DOCK2: variants seen among roughly 807,000 people sequenced by gnomAD.
The protein encoded by DOCK2 is dedicator of cytokinesis 2.
A neutral mutation model predicts 248.9 loss-of-function variants in DOCK2; 87 were observed. That is an observed-to-expected ratio of 0.35 (90% CI 0.29 to 0.42). The LOEUF (loss-of-function observed/expected upper bound fraction) is 0.42, where lower values mean the gene tolerates loss of function less well. Ranked by LOEUF, DOCK2 falls within the 10% of genes least tolerant of loss-of-function variation. The pLI is 1.00. For synonymous variants in DOCK2, 805 were observed against 821.6 expected, an observed-to-expected ratio of 0.98 and a Z score of 0.35; for missense variants, 1,747 against 2,300.2, an observed-to-expected ratio of 0.76 and a Z score of 4.92.
chr5:169,673,546 G>A (rs1581011524), intron 5 of DOCK2, among the ~76,000 whole-genome samples: 5 of 151,842 alleles, frequency 3.3e-5, no homozygotes, highest in Admixed American at 3.3e-4. Context: ...TTAGAGACAG[G>A]GTCTTGCTCT....
intron 37 of DOCK2, 50 bp downstream of exon 37, chr5:170,041,195 C>T: frequency 6.8e-7 from 1 of 1,480,642 alleles, no homozygotes; most frequent in African/African-American, 1.4e-5. Context: ...CTGACAGGGC[C>T]TCACAGCAAG....
At chr5:169,791,832 C>T (rs1332014697) in intron 25 of DOCK2, among the ~76,000 whole-genome samples, 1 of 152,154 alleles carries the variant, frequency 6.6e-6, no homozygotes, top group African/African-American at 2.4e-5. Context: ...TAGGATCTAG[C>T]AGGAGTTCAA....
intron 38 of DOCK2, among the ~76,000 whole-genome samples, chr5:170,042,381 C>A (rs1350688903): frequency 6.6e-6 from 1 of 152,194 alleles, no homozygotes; most frequent in Middle Eastern, 3.2e-3. Context: ...CCCAACAGAT[C>A]ATCCTCCATA....
At chr5:169,659,502 G>A (rs1758327113) in intron 2 of DOCK2, among the ~76,000 whole-genome samples, 1 of 152,148 alleles carries the variant, frequency 6.6e-6, no homozygotes, top group Non-Finnish European at 1.5e-5. Flanking sequence ...TCCTGGAATG[G>A]GTGAGACTAG....
chr5:170,051,702 T>A (rs911864017), intron 41 of DOCK2, among the ~76,000 whole-genome samples: 2 of 152,206 alleles, frequency 1.3e-5, no homozygotes, highest in Non-Finnish European at 1.5e-5. Flanking sequence ...TGCCCTGGCT[T>A]GCTCCCTGCA....
chr5:169,855,974 C>G (rs551602215), intron 27 of DOCK2, among the ~76,000 whole-genome samples: 1 of 152,232 alleles, frequency 6.6e-6, no homozygotes, highest in Non-Finnish European at 1.5e-5. Flanking sequence ...AAAGCAAGGA[C>G]CTTCTTCACA....
intron 33 of DOCK2, among the ~76,000 whole-genome samples, chr5:170,023,519 CT>C (rs1252257549): frequency 2.4e-4 from 37 of 152,236 alleles, no homozygotes; most frequent in African/African-American, 8.7e-4. Flanking sequence ...GTTATTTAAC[CT>C]CTCTCAGCCT....
intron 22 of DOCK2, among the ~76,000 whole-genome samples, chr5:169,726,464 C>G (rs1762478459): frequency 6.6e-6 from 1 of 152,206 alleles, no homozygotes; most frequent in Non-Finnish European, 1.5e-5. Context: ...GTTGCCTGTT[C>G]ACTCTGATGG....
chr5:169,860,981 G>A (rs1322310825), intron 27 of DOCK2, among the ~76,000 whole-genome samples: 1 of 152,138 alleles, frequency 6.6e-6, no homozygotes, highest in Non-Finnish European at 1.5e-5. Context: ...AAAAAATTAA[G>A]GGGGAAATAA....
intron 26 of DOCK2, among the ~76,000 whole-genome samples, chr5:169,832,867 G>T (rs948321445): frequency 6.6e-6 from 1 of 150,956 alleles, no homozygotes; most frequent in Non-Finnish European, 1.5e-5. Context: ...AAAAAAAAAT[G>T]TAGGCCTTTG....
chr5:169,899,433 A>C (rs1206549523), intron 27 of DOCK2, among the ~76,000 whole-genome samples: 3 of 152,206 alleles, frequency 2.0e-5, no homozygotes, highest in Non-Finnish European at 4.4e-5. Flanking sequence ...ACCTATAAAT[A>C]GGATGGCAAG....
In DOCK2 at chr5:170,063,481, G is replaced by A. The variant is rs1466679434; in HGVS notation, c.4468-4029G>A. Reference sequence around the variant, plus strand: ...AGCTCCCATTTTCTTTCTGGAAGGGGCACACACTTCCAGTGGCTACTTGAT... The same window carrying A: ...AGCTCCCATTTTCTTTCTGGAAGGGACACACACTTCCAGTGGCTACTTGAT... On this transcript the variant is annotated intron_variant, in intron 44 of 51. Coordinates refer to ENST00000520908, the MANE Select transcript of DOCK2 (RefSeq NM_004946.3). Among the ~76,000 whole-genome samples, 3 of 152,136 alleles carry A rather than the reference G, an allele frequency of 2.0e-5. No individual in the cohort carries two copies. In the East Asian group the frequency reaches 5.8e-4, roughly 29 times the overall value.
intron 48 of DOCK2, 46 bp downstream of exon 48, chr5:170,077,883 G>T (rs746500808): frequency 1.3e-6 from 2 of 1,544,232 alleles, no homozygotes; most frequent in South Asian, 1.1e-5. Context: ...CTGCCTCCCT[G>T]GCTCTATCCC....
In DOCK2 at chr5:170,077,852, C is replaced by A. The variant is rs1300449311; in HGVS notation, c.4994+15C>A. On this transcript the variant is annotated intron_variant, in intron 48 of 51. Coordinates refer to ENST00000520908, the MANE Select transcript of DOCK2 (RefSeq NM_004946.3). ...ACCTCAGAGAGGTCAGTCCCTGCAC[C>A]CCAAGGAGCCCCCCACACCCCTGCC... is the stretch of plus-strand genomic sequence containing the variant. 2.5e-6 allele frequency: 4 copies of A among 1,610,516 alleles called. No homozygotes were observed. The highest frequency in any genetic ancestry group is 3.4e-6 in the Non-Finnish European group (4 of 1,179,384).
chr5:169,684,588 T>C (rs955517787), intron 8 of DOCK2, among the ~76,000 whole-genome samples: 28 of 152,216 alleles, frequency 1.8e-4, no homozygotes, highest in Admixed American at 1.6e-3. Context: ...AGATTTTGAT[T>C]GCCAGAAAGC....
At chr5:169,680,766 T>C (rs1728924780) in intron 6 of DOCK2, among the ~76,000 whole-genome samples, 1 of 152,134 alleles carries the variant, frequency 6.6e-6, no homozygotes, top group South Asian at 2.1e-4. Flanking sequence ...CATGTAACCT[T>C]TGACCCCTTT....
At chr5:170,055,673 C>T (rs1581561702) in intron 42 of DOCK2, among the ~76,000 whole-genome samples, 1 of 152,346 alleles carries the variant, frequency 6.6e-6, no homozygotes, top group East Asian at 1.9e-4. Context: ...CTATTTGTTG[C>T]TCAGGTTGAT....
intron 27 of DOCK2, among the ~76,000 whole-genome samples, chr5:169,957,309 G>T (rs1581470402): frequency 6.6e-6 from 1 of 152,188 alleles, no homozygotes; most frequent in East Asian, 1.9e-4. Flanking sequence ...CATAGCATGG[G>T]GATAGTAAGA....
chr5:169,653,835 C>T (rs145449692), intron 1 of DOCK2, among the ~76,000 whole-genome samples: 1,697 of 152,330 alleles, frequency 0.011, 30 homozygotes, highest in African/African-American at 0.039. Context: ...AGCATTACAA[C>T]ATGGCAGGCT....
Sources: allele counts gnomAD v4.1 joint callset (sites outside exome capture counted in the v4.1 genomes callset), GRCh38; gene constraint gnomAD v4.1.1; transcripts MANE v1.5; gene names NCBI Gene and HGNC (gene_info 2026-07-23, HGNC 2026-07-21).